The following PIWIL1 variants were observed in gnomAD, a reference collection of about 807,000 sequenced individuals.
The protein encoded by PIWIL1 is piwi like RNA-mediated gene silencing 1.
A neutral mutation model predicts 114.4 loss-of-function variants in PIWIL1; 73 were observed. That is an observed-to-expected ratio of 0.64 (90% confidence interval 0.53 to 0.78). The LOEUF is 0.78. Among genes scored for constraint, PIWIL1 ranks in the 30% least tolerant of loss-of-function variants. The probability of loss-of-function intolerance (pLI) is 0.00; values close to 1 mark genes in which losing one functional copy is unlikely to be tolerated. For missense variants in PIWIL1, 723 were observed against 1,063.1 expected (o/e 0.68, Z 4.45); for synonymous variants, 375 against 369.0 (o/e 1.02, Z -0.19).
rs200414750 is a variant in PIWIL1, at chr12:130,342,662, C to G, written c.71C>G (p.Ser24Cys). Reference sequence around the variant, plus strand: ...CAGGAGACAGCGCAGCTGGTGGGCTCCACTGCCGTGAGTGCTTCACCGTTT... The same window carrying G: ...CAGGAGACAGCGCAGCTGGTGGGCTGCACTGCCGTGAGTGCTTCACCGTTT... ...RGQETAQLVG[S>C]TASQQPGYIQ... The change falls in exon 2 of 21, where the codon TCC becomes TGC. Residue 24 changes from serine (S) to cysteine (C), a missense_variant. By Grantham distance (112) the Ser-to-Cys change is moderately radical. Around this residue, in one of 8 missense-constraint regions of PIWIL1, gnomAD observed 91 missense variants for 76.2 expected, o/e 1.19. Coordinates refer to ENST00000245255, the MANE Select transcript of PIWIL1 (RefSeq NM_004764.5). 1.9e-5 allele frequency: 30 copies of G among 1,611,850 alleles called. No homozygotes were observed. The highest frequency in any genetic ancestry group is 2.5e-5 in the Non-Finnish European group (30 of 1,178,198).
At chr12:130,381,118 C>T in the PIWIL1 span, among the ~76,000 whole-genome samples, 2 of 152,118 alleles carry the variant, frequency 1.3e-5, no homozygotes, top group African/African-American at 2.4e-5. Flanking sequence ...CATGATTGCC[C>T]CAAGTCCACA....
At chr12:130,414,586 C>T in the PIWIL1 span, 4 of 281,378 alleles carry the variant, frequency 1.4e-5, no homozygotes, top group Non-Finnish European at 2.7e-5. Context: ...CAGGCTGGGG[C>T]AGGGGCTGCG....
intron 1 of PIWIL1, 116 bp from the exon 2 acceptor site, chr12:130,342,464 A>G: frequency 1.5e-6 from 1 of 662,724 alleles, no homozygotes; most frequent in Non-Finnish European, 2.7e-6. Context: ...AGGATACATA[A>G]TAATTGCCTG....
At chr12:130,370,401 T>C (rs1271851276) in intron 19 of PIWIL1, among the ~76,000 whole-genome samples, 1 of 152,250 alleles carries the variant, frequency 6.6e-6, no homozygotes, top group Non-Finnish European at 1.5e-5. Context: ...CTTGTCATTA[T>C]TCCTTAAACA....
chr12:130,352,321 TTAACAG>T (rs1226830119), intron 9 of PIWIL1, among the ~76,000 whole-genome samples: 1 of 152,106 alleles, frequency 6.6e-6, no homozygotes, highest in Non-Finnish European at 1.5e-5. Context: ...AATAAAAGGT[TTAACAG>T]TAATGTCTAA....
At position 130,342,610 on chromosome 12, in the gene PIWIL1, G is replaced by C; in HGVS notation, c.19G>C (p.Ala7Pro). The change falls in exon 2 of 21, where the codon GCC becomes CCC. Residue 7 changes from alanine (A) to proline (P), a missense_variant. By Grantham distance (27) the Ala-to-Pro change is conservative (BLOSUM62 -1). Around this residue, in one of 8 missense-constraint regions of PIWIL1, gnomAD observed 91 missense variants for 76.2 expected, o/e 1.19. Transcript: ENST00000245255. ...GAAAACAATGACTGGGAGAGCCCGAGCCAGAGCCAGAGGAAGGGCCCGCGG... is the reference window on the plus strand; with the variant it reads ...GAAAACAATGACTGGGAGAGCCCGACCCAGAGCCAGAGGAAGGGCCCGCGG... Reference protein sequence around the residue: MTGRARARARGRARGQE... With the variant: MTGRARPRARGRARGQE... 1 of 1,613,722 alleles carries C rather than the reference G, an allele frequency of 6.2e-7. No individual in the cohort carries two copies. Among genetic ancestry groups the C allele is most frequent in the Non-Finnish European group, 8.5e-7 (1 of 1,179,644 alleles).
the PIWIL1 span, among the ~76,000 whole-genome samples, chr12:130,392,496 G>A: frequency 0.01 from 44 of 4,268 alleles, 2 homozygotes; most frequent in Non-Finnish European, 0.018. Flanking sequence ...CCGTCATCAC[G>A]TGTCCGTCAG....
chr12:130,341,717 G>C (rs1436663837), intron 1 of PIWIL1, among the ~76,000 whole-genome samples: 2 of 152,174 alleles, frequency 1.3e-5, no homozygotes, highest in Non-Finnish European at 2.9e-5. Context: ...TTCTCATGTT[G>C]TCTAAAATGT....
At chr12:130,384,935 TA>T in the PIWIL1 span, among the ~76,000 whole-genome samples, 2 of 152,228 alleles carry the variant, frequency 1.3e-5, no homozygotes, top group Non-Finnish European at 2.9e-5. Flanking sequence ...CCAGTTTTTG[TA>T]TTTGAAATAT....
the PIWIL1 span, among the ~76,000 whole-genome samples, chr12:130,379,440 G>C: frequency 3.9e-5 from 5 of 129,146 alleles, no homozygotes; most frequent in African/African-American, 8.9e-5. Flanking sequence ...CCTCATCCCA[G>C]TTCCCATCCA....
At chr12:130,414,207 A>G in the PIWIL1 span, 1 of 1,614,198 alleles carries the variant, frequency 6.2e-7, no homozygotes, top group Non-Finnish European at 8.5e-7. Context: ...GTCGTAGTCA[A>G]AGAGAGCCAC....
Position 130,347,001 on chromosome 12 carries a change from A to C in PIWIL1, c.592A>C (p.Thr198Pro). 6.2e-7 allele frequency: 1 copy of C among 1,613,948 alleles called. No homozygotes were observed. Among genetic ancestry groups the C allele is most frequent in the Non-Finnish European group, 8.5e-7 (1 of 1,179,854 alleles). The change falls in exon 6 of 21, where the codon ACA becomes CCA. Residue 198 changes from threonine (T) to proline (P), a missense_variant. Physicochemically the swap from Thr to Pro is conservative, Grantham distance 38. This residue lies in a region of PIWIL1 where 190 missense variants were observed against 294.4 expected (regional missense o/e 0.65). Transcript: ENST00000245255. Reference protein sequence around the residue: ...GEDVRITITLTNELPPTSPTC... With the variant: ...GEDVRITITLPNELPPTSPTC... ...GGATGTGAGGATAACGATCACTTTAACAAATGAACTTCCACCTACATCACC... is the reference window on the plus strand; with the variant it reads ...GGATGTGAGGATAACGATCACTTTACCAAATGAACTTCCACCTACATCACC...
intron 3 of PIWIL1, among the ~76,000 whole-genome samples, chr12:130,343,776 C>T (rs1295703037): frequency 6.6e-6 from 1 of 152,096 alleles, no homozygotes; most frequent in Non-Finnish European, 1.5e-5. Context: ...CAGGCGCCCA[C>T]CACTGCGCCC....
At chr12:130,411,464 T>C in the PIWIL1 span, among the ~76,000 whole-genome samples, 1 of 152,164 alleles carries the variant, frequency 6.6e-6, no homozygotes, top group East Asian at 1.9e-4. Context: ...CTTTCACCAT[T>C]AAGGATGATA....
At chr12:130,385,650 T>G in the PIWIL1 span, among the ~76,000 whole-genome samples, 1 of 152,228 alleles carries the variant, frequency 6.6e-6, no homozygotes, top group East Asian at 1.9e-4. Flanking sequence ...CATTCAGAGA[T>G]GATAAGAACT....
chr12:130,385,048 G>A, the PIWIL1 span, among the ~76,000 whole-genome samples: 24 of 152,084 alleles, frequency 1.6e-4, no homozygotes, highest in South Asian at 4.4e-3. Flanking sequence ...CCTCTTCCAC[G>A]CTCACCATAA....
intron 1 of PIWIL1, among the ~76,000 whole-genome samples, chr12:130,338,711 G>C (rs1387547860): frequency 8.1e-6 from 1 of 123,088 alleles, no homozygotes; most frequent in Non-Finnish European, 1.8e-5. Context: ...GCAGGAGCCG[G>C]GTGCGGGGGC....
At position 130,349,929 on chromosome 12, in the gene PIWIL1, G is replaced by A. The variant is rs769712838; in HGVS notation, c.1006G>A (p.Asp336Asn). 1.3e-5 allele frequency: 21 copies of A among 1,612,950 alleles called. No homozygotes were observed. The South Asian group carries it at 1.9e-4, about 14-fold the overall frequency. Reference protein sequence around the residue: ...QNPKSTFKKADGSEVSFLEYY... With the variant: ...QNPKSTFKKANGSEVSFLEYY... ...TCCCAAGAGCACCTTTAAGAAAGCC[G>A]ACGGCTCTGAAGTCAGCTTCTTAGA... Residue 336 changes from aspartate (D) to asparagine (N), a missense_variant, in exon 9 of 21, where the codon GAC becomes AAC. Coordinates refer to ENST00000245255, the MANE Select transcript of PIWIL1 (RefSeq NM_004764.5).
the PIWIL1 span, chr12:130,407,796 A>G: frequency 6.2e-7 from 1 of 1,613,848 alleles, no homozygotes; most frequent in African/African-American, 1.3e-5. Flanking sequence ...CCGCGTCGAT[A>G]CCGAATGACG....
Sources: allele counts gnomAD v4.1 joint callset (sites outside exome capture counted in the v4.1 genomes callset), GRCh38; gene constraint gnomAD v4.1.1; regional missense constraint gnomAD v4.1.1; transcripts MANE v1.5; gene names NCBI Gene and HGNC (gene_info 2026-07-23, HGNC 2026-07-21).